Variants in CLCN7 observed in about 807,000 individuals in gnomAD.
The protein encoded by CLCN7 is H(+)/Cl(-) exchange transporter 7.
A neutral mutation model predicts 102.1 loss-of-function variants in CLCN7; 60 were observed. That is an observed-to-expected ratio of 0.59 (90% CI 0.48 to 0.73). CLCN7 has a LOEUF of 0.73. Ranked by LOEUF, CLCN7 falls within the 30% of genes least tolerant of loss-of-function variation. CLCN7 has a pLI of 0.00. For missense variants in CLCN7, 962 were observed against 1,125.7 expected (o/e 0.85, Z 2.08); for synonymous variants, 560 against 490.5 (o/e 1.14, Z -1.87).
At chr16:1,456,563 G>A (rs1302982289) in intron 9 of CLCN7, among the ~76,000 whole-genome samples, 1 of 152,244 alleles carries the variant, frequency 6.6e-6, no homozygotes, top group Non-Finnish European at 1.5e-5. Flanking sequence ...CACATGGCCG[G>A]CGCGGTGCCT....
intron 5 of CLCN7, 25 bp from the exon 6 acceptor site, chr16:1,460,552 C>G: frequency 6.3e-7 from 1 of 1,578,756 alleles, no homozygotes; most frequent in Non-Finnish European, 8.7e-7. Flanking sequence ...GGAGGGCTGG[C>G]TGCTTCCCCG....
Position 1,465,343 on chromosome 16 carries a change from A to C in CLCN7, c.142-5T>G. The C allele has an allele frequency of 1.2e-6, 2 of 1,612,814 alleles. No individual in the cohort carries two copies. Among genetic ancestry groups the C allele is most frequent in the Non-Finnish European group, 1.7e-6 (2 of 1,179,538 alleles). ...GAAAAGCGCAGAACGTGGTGACTAAAAGCAGAAGAGAAATCATGAGGGCGC... is the reference window on the plus strand; with the variant it reads ...GAAAAGCGCAGAACGTGGTGACTAACAGCAGAAGAGAAATCATGAGGGCGC... On this transcript the variant is annotated splice_polypyrimidine_tract_variant and splice_region_variant and intron_variant, in intron 1 of 24. Transcript: ENST00000382745.
At chr16:1,455,660 T>C in intron 11 of CLCN7, 71 bp downstream of exon 11, 1 of 1,519,718 alleles carries the variant, frequency 6.6e-7, no homozygotes, top group Non-Finnish European at 9.1e-7. Flanking sequence ...GGCCCCAAGG[T>C]GGACCCCATG....
At chr16:1,466,977 G>GC (rs2039014036) in intron 1 of CLCN7, among the ~76,000 whole-genome samples, 2 of 115,486 alleles carry the variant, frequency 1.7e-5, no homozygotes, top group South Asian at 5.8e-4. Context: ...CCAGCCCACT[G>GC]CCCTCCAGGG....
chr16:1,465,585 A>G (rs1007894259), intron 1 of CLCN7, among the ~76,000 whole-genome samples: 3 of 152,162 alleles, frequency 2.0e-5, no homozygotes, highest in Non-Finnish European at 2.9e-5. Context: ...TCCAGGGCGC[A>G]AGCTCCCTGC....
In CLCN7 at chr16:1,457,718, C is replaced by T. The variant is rs1167532777; in HGVS notation, c.714G>A (p.Val238=). ...VIKVSGVILS[V]VGGLAVGKEG... Reference sequence around the variant, plus strand: ...CCTTTCCCACGGCCAGGCCCCCGACCACGGACAGGATCACACCGGACACTT... The same window carrying T: ...CCTTTCCCACGGCCAGGCCCCCGACTACGGACAGGATCACACCGGACACTT... The change falls in exon 8 of 25, where the codon GTG becomes GTA. Residue 238 remains valine (V), a synonymous_variant. Transcript: ENST00000382745. This position sits in a 1 kb window ranked among gnomAD's most constrained non-coding sequence, Gnocchi z 5.4. The T allele has an allele frequency of 1.2e-6, 2 of 1,613,790 alleles. No individual in the cohort carries two copies. The highest frequency in any genetic ancestry group is 1.7e-6 in the Non-Finnish European group (2 of 1,180,030).
intron 9 of CLCN7, among the ~76,000 whole-genome samples, chr16:1,456,824 GAGA>G (rs746495690): frequency 6.1e-5 from 9 of 148,070 alleles, no homozygotes; most frequent in Non-Finnish European, 3.0e-5. Context: ...CTGGGCAACA[GAGA>G]GACTCCATCT....
intron 14 of CLCN7, among the ~76,000 whole-genome samples, chr16:1,453,133 G>A (rs141116249): frequency 4.9e-4 from 74 of 152,210 alleles, no homozygotes; most frequent in African/African-American, 1.6e-3. Flanking sequence ...TCAGCCTCCC[G>A]AGTAGCTGGG....
At position 1,457,795 on chromosome 16, in the gene CLCN7, C is replaced by A. The variant is rs772326250; in HGVS notation, c.676-39G>T. 64 of 1,596,272 alleles carry A rather than the reference C, an allele frequency of 4.0e-5. No individual in the cohort carries two copies. The highest frequency in any genetic ancestry group is 5.4e-5 in the Non-Finnish European group (63 of 1,164,524). ...AGACGCATGGCCTCTGATGAAAAGG[C>A]AGGCGCTGTCTTTGGACCTGAGCCG... On this transcript the variant is annotated intron_variant, in intron 7 of 24. Coordinates refer to ENST00000382745, the MANE Select transcript of CLCN7 (RefSeq NM_001287.6). The surrounding 1 kb of genome is among the most constrained non-coding windows in gnomAD (Gnocchi z 5.4).
chr16:1,471,451 C>T (rs55714824), intron 1 of CLCN7, among the ~76,000 whole-genome samples: 1 of 152,006 alleles, frequency 6.6e-6, no homozygotes, highest in African/African-American at 2.4e-5. Flanking sequence ...TGTGGCCACA[C>T]TGGGGTGCGC....
intron 21 of CLCN7, 171 bp downstream of exon 21, chr16:1,448,184 C>T: frequency 1.1e-6 from 1 of 923,684 alleles, no homozygotes; most frequent in Non-Finnish European, 1.6e-6. Flanking sequence ...CCACCAGCCT[C>T]AGCGTCCACA....
rs189253488 is a variant in CLCN7, at chr16:1,470,738, C to T, written c.141+4096G>A. Reference sequence around the variant, plus strand: ...GCAGAGCTCAAGGGGCCACTGGCGACGACCCCAGACCCTCCCCCGCAGCCT... The same window carrying T: ...GCAGAGCTCAAGGGGCCACTGGCGATGACCCCAGACCCTCCCCCGCAGCCT... On this transcript the variant is annotated intron_variant, in intron 1 of 24. Transcript: ENST00000382745. 5.9e-4 allele frequency among the ~76,000 whole-genome samples: 90 copies of T among 152,324 alleles called. 1 individual carries two copies. In the East Asian group the frequency reaches 0.017, roughly 29 times the overall value.
At position 1,450,628 on chromosome 16, in the gene CLCN7, C is replaced by T; in HGVS notation, c.1486G>A (p.Val496Ile). 6.2e-7 allele frequency: 1 copy of T among 1,612,586 alleles called. No homozygotes were observed. Among genetic ancestry groups the T allele is most frequent in the Non-Finnish European group, 8.5e-7 (1 of 1,179,704 alleles). The change falls in exon 17 of 25, where the codon GTC (valine) becomes ATC (isoleucine). Residue 496 changes from valine (V) to isoleucine (I), a missense_variant. Transcript: ENST00000382745. Reference protein sequence around the residue: ...NPLTLGLFTLVYFFLACWTYG... With the variant: ...NPLTLGLFTLIYFFLACWTYG... ...GTCCAGCAGGCCAGGAAGAAGTAGA[C>T]CAGCGTGAACAGGCCGAGGGTCAGG...
chr16:1,448,609 G>A lies in CLCN7; in HGVS notation c.1883+72C>T, dbSNP rs570443272. 5.5e-5 allele frequency: 88 copies of A among 1,602,584 alleles called. No individual in the cohort carries two copies. In the East Asian group the frequency reaches 5.6e-4, roughly 10 times the overall value. ...CGGGGCTGCCTGGAGCCCGCAAGCC[G>A]TGCACCCTGCCCCTGTGCAACAAGA... On this transcript the variant is annotated intron_variant, in intron 20 of 24. Transcript: ENST00000382745.
chr16:1,469,731 A>T (rs2142402730), intron 1 of CLCN7, among the ~76,000 whole-genome samples: 1 of 152,306 alleles, frequency 6.6e-6, no homozygotes, highest in African/African-American at 2.4e-5. Context: ...AAAAACAAAC[A>T]TAAAAAAGCA....
Position 1,467,454 on chromosome 16 carries a change from G to A in CLCN7, c.142-2116C>T, listed in dbSNP as rs112823708. Among the ~76,000 whole-genome samples the A allele has an allele frequency of 7.4e-3, 1,122 of 152,276 alleles. 18 individuals carry two copies. The highest frequency in any genetic ancestry group is 0.026 in the African/African-American group (1,063 of 41,548). The stretch of plus-strand genomic sequence containing the variant: ...GAAGGTGCCACGGTCCAGGCATGAT[G>A]GAAGCAGTGGCCTGGCCAGCTGCCC... On this transcript the variant is annotated intron_variant, in intron 1 of 24. Transcript: ENST00000382745.
At position 1,457,169 on chromosome 16, in the gene CLCN7, T is replaced by G. The variant is rs1596220063; in HGVS notation, c.822+85A>C. Reference sequence around the variant, plus strand: ...GGGGCTGGGGCTCTCGGCCTGGGGGTGCTGAGGGAAGCCCATCTCCCTGAG... The same window carrying G: ...GGGGCTGGGGCTCTCGGCCTGGGGGGGCTGAGGGAAGCCCATCTCCCTGAG... On this transcript the variant is annotated intron_variant, in intron 9 of 24. Coordinates refer to ENST00000382745, the MANE Select transcript of CLCN7 (RefSeq NM_001287.6). The surrounding 1 kb of genome is among the most constrained non-coding windows in gnomAD (Gnocchi z 5.4). 1 of 1,254,158 alleles carries G rather than the reference T, an allele frequency of 8.0e-7. No individual in the cohort carries two copies. The highest frequency in any genetic ancestry group is 1.2e-6 in the Non-Finnish European group (1 of 855,254). 77.7% of individuals were successfully genotyped at this position (1,254,158 alleles called of 1,614,324 possible).
At chr16:1,458,879 G>A (rs1197850474) in intron 7 of CLCN7, among the ~76,000 whole-genome samples, 1 of 152,196 alleles carries the variant, frequency 6.6e-6, no homozygotes, top group Non-Finnish European at 1.5e-5. Context: ...AAGCATTTCT[G>A]TATGACTACT....
chr16:1,473,498 C>T (rs1449178874), intron 1 of CLCN7, among the ~76,000 whole-genome samples: 2 of 150,546 alleles, frequency 1.3e-5, no homozygotes, highest in Non-Finnish European at 3.0e-5. Context: ...CTCAGCCTCC[C>T]GAGTAGCTGG....
Sources: allele counts gnomAD v4.1 joint callset (sites outside exome capture counted in the v4.1 genomes callset), GRCh38; gene constraint gnomAD v4.1.1; non-coding constraint Gnocchi (gnomAD v3.1); transcripts MANE v1.5; gene names NCBI Gene and HGNC (gene_info 2026-07-23, HGNC 2026-07-21).